The following GABRG3 variants were observed in gnomAD, a reference collection of about 807,000 sequenced individuals.
GABRG3 encodes the protein gamma-aminobutyric acid type A receptor subunit gamma3, also known as gamma-aminobutyric acid receptor subunit gamma-3.
GABRG3 carries 25 observed loss-of-function variants against 48.8 expected under a neutral mutation model. The observed-to-expected ratio is 0.51, with a 90% CI of 0.37 to 0.72. The LOEUF is 0.72. GABRG3 is among the 30% of genes least tolerant of loss of function. The pLI is 0.00. For missense variants in GABRG3, 394 were observed against 577.9 expected, an observed-to-expected ratio of 0.68 and a Z score of 3.26; for synonymous variants, 227 against 217.6, an observed-to-expected ratio of 1.04 and a Z score of -0.38.
At chr15:26,992,038 T>A (rs1895259277) in intron 2 of GABRG3, among the ~76,000 whole-genome samples, 1 of 152,190 alleles carries the variant, frequency 6.6e-6, no homozygotes, top group South Asian at 2.1e-4. Flanking sequence ...TTTTTTATAT[T>A]GTTCACTTGG....
chr15:27,082,847 T>C (rs773782868), intron 3 of GABRG3, among the ~76,000 whole-genome samples: 66 of 152,342 alleles, frequency 4.3e-4, no homozygotes, highest in Non-Finnish European at 8.8e-4. Context: ...GCTAGAGCTC[T>C]GTTCCCTGAG....
chr15:27,030,896 C>T (rs556341132), intron 3 of GABRG3, among the ~76,000 whole-genome samples: 1 of 152,206 alleles, frequency 6.6e-6, no homozygotes, highest in East Asian at 1.9e-4. Context: ...CTGTACATAC[C>T]TGTAGGGCCA....
At chr15:27,186,867 A>G (rs974996958) in intron 3 of GABRG3, among the ~76,000 whole-genome samples, 3 of 151,962 alleles carry the variant, frequency 2.0e-5, no homozygotes, top group South Asian at 2.1e-4. Flanking sequence ...TTCCCATTCC[A>G]TAGGTTGTCT....
At chr15:27,383,305 C>A (rs1895831439) in intron 5 of GABRG3, among the ~76,000 whole-genome samples, 3 of 152,126 alleles carry the variant, frequency 2.0e-5, no homozygotes, top group Admixed American at 2.0e-4. Context: ...TATCAAATTA[C>A]CAAAGGCCAT....
chr15:27,039,802 C>G (rs1896242876), intron 3 of GABRG3, among the ~76,000 whole-genome samples: 1 of 152,204 alleles, frequency 6.6e-6, no homozygotes, highest in Non-Finnish European at 1.5e-5. Context: ...GGAGGCACCC[C>G]TCGCTGTCAC....
chr15:27,190,641 C>T (rs957555674), intron 3 of GABRG3, among the ~76,000 whole-genome samples: 10 of 151,894 alleles, frequency 6.6e-5, no homozygotes, highest in South Asian at 2.1e-4. Context: ...GTCTTGCTAG[C>T]GGTCTATCAA....
At chr15:27,318,489 A>G (rs1285786410) in intron 3 of GABRG3, among the ~76,000 whole-genome samples, 10 of 152,070 alleles carry the variant, frequency 6.6e-5, no homozygotes. Context: ...GATGCTCTGA[A>G]TCAGTAAGGG....
At chr15:27,062,688 AATAG>A (rs894371036) in intron 3 of GABRG3, among the ~76,000 whole-genome samples, 8 of 152,108 alleles carry the variant, frequency 5.3e-5, no homozygotes, top group Non-Finnish European at 5.9e-5. Flanking sequence ...TGAGAGCAGG[AATAG>A]ATAGTTTTAA....
At chr15:27,010,890 G>A (rs1895673253) in intron 2 of GABRG3, among the ~76,000 whole-genome samples, 1 of 152,128 alleles carries the variant, frequency 6.6e-6, no homozygotes, top group Admixed American at 6.6e-5. Flanking sequence ...TTGTCGCCCA[G>A]GGTGGAGTGC....
Position 27,328,906 on chromosome 15 carries a change from C to T in GABRG3, c.574+18C>T. The stretch of plus-strand genomic sequence containing the variant: ...CTCCAGCTGTGAGTACCAGTCCAAG[C>T]CCGGGGTGTGCATGCTGTGTGAGGG... On this transcript the variant is annotated intron_variant, in intron 5 of 9. Transcript: ENST00000615808. 1.2e-6 allele frequency: 2 copies of T among 1,606,974 alleles called. No homozygotes were observed. The highest frequency in any genetic ancestry group is 1.7e-6 in the Non-Finnish European group (2 of 1,173,538).
intron 5 of GABRG3, among the ~76,000 whole-genome samples, chr15:27,433,881 G>A (rs1357546291): frequency 3.3e-5 from 5 of 152,068 alleles, no homozygotes; most frequent in Non-Finnish European, 5.9e-5. Flanking sequence ...ATTTCAAGTC[G>A]ACCTTGTGTC....
At chr15:27,014,913 T>C (rs1417862734) in intron 2 of GABRG3, among the ~76,000 whole-genome samples, 2 of 152,322 alleles carry the variant, frequency 1.3e-5, no homozygotes, top group South Asian at 4.1e-4. Flanking sequence ...TCTCTTCAGC[T>C]CTGCCAATGT....
At chr15:27,417,811 A>G (rs11853763) in intron 5 of GABRG3, among the ~76,000 whole-genome samples, 34,503 of 152,134 alleles carry the variant, frequency 0.23, 5,291 homozygotes, top group African/African-American at 0.43. Context: ...TGTCACTGAT[A>G]TGCGGTAGCT....
intron 6 of GABRG3, among the ~76,000 whole-genome samples, chr15:27,513,229 C>T (rs1019435430): frequency 6.6e-5 from 10 of 152,134 alleles, no homozygotes; most frequent in African/African-American, 2.2e-4. Flanking sequence ...AAGCAGATCA[C>T]GAGGTCAGGA....
intron 2 of GABRG3, among the ~76,000 whole-genome samples, chr15:27,014,156 T>C (rs1455632269): frequency 2.0e-5 from 3 of 152,074 alleles, no homozygotes; most frequent in Non-Finnish European, 4.4e-5. Context: ...TAACATTCTT[T>C]CATTTTTAAG....
At chr15:27,333,092 C>G (rs1893854211) in intron 5 of GABRG3, among the ~76,000 whole-genome samples, 1 of 152,112 alleles carries the variant, frequency 6.6e-6, no homozygotes, top group Non-Finnish European at 1.5e-5. Context: ...TTGATATGGA[C>G]TCTTGGACAA....
intron 3 of GABRG3, among the ~76,000 whole-genome samples, chr15:27,071,232 A>G (rs903338002): frequency 2.6e-5 from 4 of 152,154 alleles, no homozygotes; most frequent in South Asian, 2.1e-4. Context: ...GCTAGGAGCC[A>G]GTGGTGTTTG....
At position 27,115,333 on chromosome 15, in the gene GABRG3, A is replaced by C. The variant is rs78595592; in HGVS notation, c.270+88512A>C. 7.8e-4 allele frequency among the ~76,000 whole-genome samples: 118 copies of C among 152,250 alleles called. 2 individuals are homozygous for C. The East Asian group carries it at 0.015, about 19-fold the overall frequency. ...CTGCGAGCTCCATTTGGCCTTATGGAAACACCTCTGCTCTGAGATCACGAA... is the reference window on the plus strand; with the variant it reads ...CTGCGAGCTCCATTTGGCCTTATGGCAACACCTCTGCTCTGAGATCACGAA... On this transcript the variant is annotated intron_variant, in intron 3 of 9. Transcript: ENST00000615808.
intron 1 of GABRG3, among the ~76,000 whole-genome samples, chr15:26,972,583 C>A (rs1033840748): frequency 2.6e-5 from 4 of 152,138 alleles, no homozygotes; most frequent in Non-Finnish European, 4.4e-5. Flanking sequence ...CTTGTTTTGA[C>A]GCTTCTCCAT....
Sources: allele counts gnomAD v4.1 joint callset (sites outside exome capture counted in the v4.1 genomes callset), GRCh38; gene constraint gnomAD v4.1.1; transcripts MANE v1.5; gene names NCBI Gene and HGNC (gene_info 2026-07-23, HGNC 2026-07-21).